The following MRTFA variants were observed in gnomAD, a reference collection of about 807,000 sequenced individuals.
MRTFA encodes the protein myocardin related transcription factor A, also known as myocardin-related transcription factor A.
In MRTFA, 20 loss-of-function variants were observed where a neutral mutation model predicts 83.5. That is an observed-to-expected ratio of 0.24 (90% CI 0.17 to 0.35). The LOEUF is 0.35. Among genes scored for constraint, MRTFA ranks in the 10% least tolerant of loss-of-function variants. The pLI is 1.00. For missense variants in MRTFA, 1,200 were observed against 1,224.7 expected (o/e 0.98, Z 0.30); for synonymous variants, 659 against 541.2 (o/e 1.22, Z -3.02).
At chr22:40,470,231 T>TATATATA (rs2053877102) in intron 3 of MRTFA, among the ~76,000 whole-genome samples, 2 of 45,650 alleles carry the variant, frequency 4.4e-5, no homozygotes, top group African/African-American at 3.3e-4. Flanking sequence ...CTCCAAAATT[T>TATATATA]TATATATATA....
chr22:40,605,982 C>A (rs1431213334), intron 1 of MRTFA, among the ~76,000 whole-genome samples: 2 of 152,188 alleles, frequency 1.3e-5, no homozygotes, highest in Non-Finnish European at 2.9e-5. Context: ...GAGTAAGGGA[C>A]TTCCTTGAGT....
At chr22:40,531,149 A>T (rs2055072424) in intron 3 of MRTFA, among the ~76,000 whole-genome samples, 1 of 151,406 alleles carries the variant, frequency 6.6e-6, no homozygotes, top group African/African-American at 2.4e-5. Context: ...CCCCAGTTGG[A>T]GTAGAATGGC....
intron 2 of MRTFA, among the ~76,000 whole-genome samples, chr22:40,579,654 G>C (rs2058442335): frequency 6.6e-6 from 1 of 152,120 alleles, no homozygotes; most frequent in Non-Finnish European, 1.5e-5. Flanking sequence ...GAGGTCAGGA[G>C]TTCAAGACCA....
chr22:40,550,726 A>ATT (rs2055430566), intron 3 of MRTFA, among the ~76,000 whole-genome samples: 3 of 152,244 alleles, frequency 2.0e-5, no homozygotes, highest in Non-Finnish European at 2.9e-5. Flanking sequence ...ATATTTGGCA[A>ATT]TGAAATACCA....
At chr22:40,472,111 T>C (rs2053925859) in intron 3 of MRTFA, among the ~76,000 whole-genome samples, 1 of 152,204 alleles carries the variant, frequency 6.6e-6, no homozygotes, top group African/African-American at 2.4e-5. Context: ...TGTATCCTTA[T>C]CCCTGTAATC....
rs1397282189 is a variant in MRTFA at position 40,424,290 on chromosome 22, A to G, written c.693T>C (p.His231=). 1 of 1,612,662 alleles carries G rather than the reference A, an allele frequency of 6.2e-7. No homozygotes were observed. Among genetic ancestry groups the G allele is most frequent in the Non-Finnish European group, 8.5e-7 (1 of 1,179,452 alleles). Residue 231 remains histidine, a synonymous_variant, in exon 8 of 15, where the codon CAT becomes CAC. Transcript: ENST00000355630. ...GTGACGGCACAGAACCCTGGGACTC[A>G]TGGCTGGCAGGCTGCTCGGGGGATA...
intron 3 of MRTFA, among the ~76,000 whole-genome samples, chr22:40,474,536 A>G (rs1223120126): frequency 1.3e-5 from 2 of 152,348 alleles, no homozygotes; most frequent in South Asian, 2.1e-4. Flanking sequence ...CTAGTTGGTC[A>G]GCACATATAC....
chr22:40,545,386 T>G (rs1286187185), intron 3 of MRTFA, among the ~76,000 whole-genome samples: 1 of 152,086 alleles, frequency 6.6e-6, no homozygotes, highest in African/African-American at 2.4e-5. Flanking sequence ...TGTCGGGACC[T>G]TGACTGCCTA....
intron 1 of MRTFA, among the ~76,000 whole-genome samples, chr22:40,629,235 G>A (rs1286120740): frequency 6.6e-6 from 1 of 151,884 alleles, no homozygotes; most frequent in African/African-American, 2.4e-5. Context: ...CTTGAAGTCA[G>A]GAGTTTGAGA....
rs760829183 is a variant in MRTFA at position 40,577,235 on chromosome 22, TAAAAAAA to T, written c.-22+17432_-22+17438del. 9.3e-3 allele frequency among the ~76,000 whole-genome samples: 602 copies of T among 64,460 alleles called. 7 individuals carry two copies. The highest frequency in any genetic ancestry group is 0.035 in the African/African-American group (579 of 16,616). The allele number at this position is 64,460 out of a possible 152,430, so 42.3% of individuals were successfully genotyped here. ...TGAGTAACAGAGTAAGACCCTTGTCTAAAAAAAAAAAAAAAAAAAAAATTAAAAAAAA... is the reference window on the plus strand; with the variant it reads ...TGAGTAACAGAGTAAGACCCTTGTCTAAAAAAAAAAAAAAATTAAAAAAAA... On this transcript the variant is annotated intron_variant, in intron 2 of 14. Coordinates refer to ENST00000355630, the MANE Select transcript of MRTFA (RefSeq NM_020831.6).
intron 4 of MRTFA, among the ~76,000 whole-genome samples, chr22:40,457,733 A>T (rs2053622773): frequency 6.6e-6 from 1 of 152,222 alleles, no homozygotes; most frequent in Non-Finnish European, 1.5e-5. Context: ...TACTACTGGC[A>T]CATGGGAAAA....
rs56211152 is a variant in MRTFA at position 40,418,590 on chromosome 22, C to G, written c.2148G>C (p.Pro716=). 1.3e-6 allele frequency: 2 copies of G among 1,546,412 alleles called. No individual in the cohort carries two copies. Among genetic ancestry groups the G allele is most frequent in the Non-Finnish European group, 1.7e-6 (2 of 1,153,366 alleles). Reference sequence around the variant, plus strand: ...GCTTCACCACCACGGACGGGGGCCCCGGGGCCACAGCACAAGGGTCTATGT... The same window carrying G: ...GCTTCACCACCACGGACGGGGGCCCGGGGGCCACAGCACAAGGGTCTATGT... Residue 716 remains proline (P), a synonymous_variant, in exon 12 of 15, where the codon CCG becomes CCC. Transcript: ENST00000355630.
intron 3 of MRTFA, among the ~76,000 whole-genome samples, chr22:40,495,116 G>A (rs2054329664): frequency 6.6e-6 from 1 of 152,196 alleles, no homozygotes; most frequent in African/African-American, 2.4e-5. Context: ...GCTCACGCCT[G>A]TAATCCCAGC....
In MRTFA at chr22:40,431,480, T is replaced by C; in HGVS notation, c.364A>G (p.Thr122Ala). 1 of 1,613,874 alleles carries C rather than the reference T, an allele frequency of 6.2e-7. No individual in the cohort carries two copies. Among genetic ancestry groups the C allele is most frequent in the Non-Finnish European group, 8.5e-7 (1 of 1,179,784 alleles). Residue 122 changes from threonine (T) to alanine (A), a missense_variant and splice_region_variant, in exon 6 of 15, where the codon ACA becomes GCA. Thr to Ala is a moderately conservative substitution (Grantham distance 58). Coordinates refer to ENST00000355630, the MANE Select transcript of MRTFA (RefSeq NM_020831.6). ...ATCTTCCGTTTGAGATAGTCCTCTG[T>C]CTACAGAAAAAACACACCAAGAAAC...
At chr22:40,565,540 C>G (rs1011908517) in intron 2 of MRTFA, among the ~76,000 whole-genome samples, 1 of 152,006 alleles carries the variant, frequency 6.6e-6, no homozygotes, top group African/African-American at 2.4e-5. Flanking sequence ...GAGCGAGACT[C>G]GATCCCCACT....
At chr22:40,437,140 C>G (rs570471537) in intron 4 of MRTFA, among the ~76,000 whole-genome samples, 27 of 152,276 alleles carry the variant, frequency 1.8e-4, no homozygotes, top group Non-Finnish European at 2.9e-4. Flanking sequence ...AAAACCAGTA[C>G]AAGTTACCTC....
intron 3 of MRTFA, among the ~76,000 whole-genome samples, chr22:40,529,440 C>T (rs1053279219): frequency 6.6e-6 from 1 of 152,068 alleles, no homozygotes; most frequent in African/African-American, 2.4e-5. Context: ...CCTCAGCTTC[C>T]CAAGTAGCTG....
At chr22:40,486,494 A>T (rs1334464334) in intron 3 of MRTFA, among the ~76,000 whole-genome samples, 1 of 151,976 alleles carries the variant, frequency 6.6e-6, no homozygotes, top group African/African-American at 2.4e-5. Context: ...TCTTTTCTTT[A>T]TTGTTTTTTT....
intron 1 of MRTFA, among the ~76,000 whole-genome samples, chr22:40,611,805 T>C (rs1451165267): frequency 2.0e-5 from 3 of 152,172 alleles, no homozygotes; most frequent in Non-Finnish European, 2.9e-5. Flanking sequence ...TACACAGCTA[T>C]AGACTAACTA....
Sources: gnomAD v4.1 joint callset for allele counts (sites outside exome capture counted in the v4.1 genomes callset) on GRCh38, gnomAD v4.1.1 for gene constraint, MANE v1.5 for transcripts, NCBI Gene and HGNC (gene_info 2026-07-23, HGNC 2026-07-21) for gene names.